AP4E1: variants seen among roughly 807,000 people sequenced by gnomAD.
AP4E1 encodes the protein AP-4 complex subunit epsilon-1.
In AP4E1, 56 loss-of-function variants were observed where a neutral mutation model predicts 128.2. The ratio of observed to expected loss-of-function variants is 0.44; its 90% CI spans 0.35 to 0.55. The LOEUF (loss-of-function observed/expected upper bound fraction) is 0.55. Ranked by LOEUF, AP4E1 falls within the 20% of genes least tolerant of loss-of-function variation. AP4E1 has a pLI of 0.00. For missense variants in AP4E1, 1,324 were observed against 1,307.7 expected (o/e 1.01, Z -0.19); for synonymous variants, 484 against 473.1 (o/e 1.02, Z -0.30).
chr15:50,930,668 A>T, intron 6 of AP4E1, 137 bp from the exon 7 acceptor site: 2 of 856,886 alleles, frequency 2.3e-6, no homozygotes, highest in Non-Finnish European at 1.8e-6. Context: ...GATATTATAC[A>T]TATTAGAGCA....
chr15:50,981,940 C>T (rs915057656), intron 15 of AP4E1, among the ~76,000 whole-genome samples: 1 of 151,980 alleles, frequency 6.6e-6, no homozygotes, highest in South Asian at 2.1e-4. Flanking sequence ...ACGAAATTAG[C>T]CGGGCATGCT....
intron 17 of AP4E1, among the ~76,000 whole-genome samples, chr15:50,994,657 G>A (rs1183650006): frequency 6.6e-6 from 1 of 152,114 alleles, no homozygotes; most frequent in Non-Finnish European, 1.5e-5. Flanking sequence ...GAGTTGTTCT[G>A]GCAGGCTGTG....
At chr15:50,986,104 T>C (rs1196285175) in intron 16 of AP4E1, among the ~76,000 whole-genome samples, 1 of 152,174 alleles carries the variant, frequency 6.6e-6, no homozygotes, top group Non-Finnish European at 1.5e-5. Context: ...ATGATTTGGC[T>C]CTCTGTCTGT....
At chr15:50,941,314 A>G in intron 8 of AP4E1, 128 bp from the exon 9 acceptor site, 3 of 1,058,440 alleles carry the variant, frequency 2.8e-6, no homozygotes, top group Non-Finnish European at 4.2e-6. Flanking sequence ...TGTTTCTGTG[A>G]AAAGTCCATA....
intron 15 of AP4E1, among the ~76,000 whole-genome samples, chr15:50,968,898 G>A (rs147753935): frequency 0.046 from 7,023 of 151,916 alleles, 525 homozygotes; most frequent in African/African-American, 0.16. Flanking sequence ...GATTACAGGC[G>A]TGAGCCACTG....
intron 2 of AP4E1, among the ~76,000 whole-genome samples, chr15:50,915,095 T>C (rs1439768036): frequency 6.6e-6 from 1 of 152,216 alleles, no homozygotes; most frequent in Non-Finnish European, 1.5e-5. Context: ...ATGTGCTGTA[T>C]TTTAGAAGCC....
chr15:50,983,952 T>G, intron 15 of AP4E1, 70 bp from the exon 16 acceptor site: 1 of 1,518,066 alleles, frequency 6.6e-7, no homozygotes, highest in Non-Finnish European at 9.1e-7. Flanking sequence ...ATTGTGGTAG[T>G]GAATGGTAAC....
chr15:50,969,891 C>T (rs1300205228), intron 15 of AP4E1, among the ~76,000 whole-genome samples: 1 of 152,078 alleles, frequency 6.6e-6, no homozygotes, highest in Non-Finnish European at 1.5e-5. Context: ...GATCTCCTGA[C>T]CTCGTGATCT....
intron 13 of AP4E1, among the ~76,000 whole-genome samples, chr15:50,952,427 T>C (rs2064163828): frequency 6.6e-6 from 1 of 151,578 alleles, no homozygotes; most frequent in Non-Finnish European, 1.5e-5. Context: ...GGAGAATCTC[T>C]TGAACTCAGG....
At chr15:50,965,148 C>G (rs535139313) in intron 14 of AP4E1, among the ~76,000 whole-genome samples, 2 of 151,998 alleles carry the variant, frequency 1.3e-5, no homozygotes, top group African/African-American at 2.4e-5. Flanking sequence ...TCAATGAAAC[C>G]TATTTTTTTT....
chr15:50,949,039 T>C (rs978979667), intron 11 of AP4E1, among the ~76,000 whole-genome samples: 4 of 151,938 alleles, frequency 2.6e-5, no homozygotes, highest in Non-Finnish European at 4.4e-5. Context: ...AATGAAATTA[T>C]ATTGGAAATT....
At chr15:50,982,425 CAA>C (rs2064656256) in intron 15 of AP4E1, among the ~76,000 whole-genome samples, 2 of 152,152 alleles carry the variant, frequency 1.3e-5, no homozygotes, top group East Asian at 1.9e-4. Context: ...ATCAGAATCA[CAA>C]AGAGTTTTTT....
In AP4E1 at chr15:50,950,099, A is replaced by G. The variant is rs1060503026; in HGVS notation, c.1478A>G (p.Gln493Arg). ...CAGCAATTAAGACTCTATGCAGTTC[A>G]GTCTTATCTCACTTTACTGGATATG... ...EDQQLRLYAV[Q>R]SYLTLLDMEN... Residue 493 changes from glutamine to arginine, a missense_variant, in exon 13 of 21, where the codon CAG becomes CGG. Transcript: ENST00000261842. 6.2e-7 allele frequency: 1 copy of G among 1,613,474 alleles called. No homozygotes were observed. Among genetic ancestry groups the G allele is most frequent in the Non-Finnish European group, 8.5e-7 (1 of 1,179,770 alleles).
chr15:50,935,850 A>G (rs1295367304), intron 8 of AP4E1, among the ~76,000 whole-genome samples: 1 of 152,218 alleles, frequency 6.6e-6, no homozygotes, highest in Non-Finnish European at 1.5e-5. Flanking sequence ...AGACTAATAC[A>G]AGAAAAATAA....
At chr15:50,951,387 AG>A (rs1174203907) in intron 13 of AP4E1, among the ~76,000 whole-genome samples, 3 of 152,116 alleles carry the variant, frequency 2.0e-5, no homozygotes, top group Non-Finnish European at 1.5e-5. Flanking sequence ...GCCTCCCAAC[AG>A]GGCCGCCTGC....
Position 51,005,847 on chromosome 15 carries a change from C to A in AP4E1, c.*3185C>A, listed in dbSNP as rs2065011704. 6.6e-6 allele frequency: 1 copy of A among 152,362 alleles called. No homozygotes were observed. The allele number at this position is 152,362 out of a possible 1,614,324, so 9.4% of individuals were successfully genotyped here. A position where few individuals can be genotyped will look rare whatever the true frequency, so the allele number is the denominator to read the frequency against. On this transcript the variant is annotated 3_prime_UTR_variant, in exon 21 of 21. Transcript: ENST00000261842. ...TATTACTTTATTTTGGAGTTGAATT[C>A]TGTCATTTGAAAAAGTTCAGTAATG...
intron 11 of AP4E1, among the ~76,000 whole-genome samples, chr15:50,949,458 G>T (rs2064114634): frequency 6.7e-6 from 1 of 149,510 alleles, no homozygotes; most frequent in Admixed American, 6.7e-5. Flanking sequence ...TAAACAATTT[G>T]TTCAAGTAGA....
chr15:50,911,408 G>A (rs1251432675), intron 1 of AP4E1, among the ~76,000 whole-genome samples: 1 of 151,918 alleles, frequency 6.6e-6, no homozygotes, highest in African/African-American at 2.4e-5. Context: ...TTACTTCTAA[G>A]GGGAAGATGT....
chr15:50,950,712 C>G (rs2064136966), intron 13 of AP4E1, among the ~76,000 whole-genome samples: 1 of 152,058 alleles, frequency 6.6e-6, no homozygotes, highest in Admixed American at 6.6e-5. Context: ...CACCTATTAA[C>G]ACATCACCTA....
Sources: gnomAD v4.1 joint callset for allele counts (sites outside exome capture counted in the v4.1 genomes callset) on GRCh38, gnomAD v4.1.1 for gene constraint, MANE v1.5 for transcripts, NCBI Gene and HGNC (gene_info 2026-07-23, HGNC 2026-07-21) for gene names.